Variants in BORCS8 observed in about 807,000 individuals in gnomAD.
BORCS8 encodes the protein BLOC-1-related complex subunit 8.
Under a neutral mutation model 18.7 loss-of-function variants are expected in BORCS8, and 13 were observed. The ratio of observed to expected loss-of-function variants is 0.70; its 90% confidence interval spans 0.45 to 1.11. BORCS8 has a LOEUF of 1.11. Ranked by LOEUF, BORCS8 falls within the 50% of genes least tolerant of loss-of-function variation. The pLI is 0.00. For synonymous variants in BORCS8, 68 were observed against 64.8 expected, an observed-to-expected ratio of 1.05 and a Z score of -0.24; for missense variants, 165 against 165.7, an observed-to-expected ratio of 1.00 and a Z score of 0.02.
chr19:19,178,304 AT>A (rs1266160759), intron 5 of BORCS8: 1 of 152,386 alleles, frequency 6.6e-6, no homozygotes, highest in Non-Finnish European at 1.5e-5. Flanking sequence ...TGCAGGAGGA[AT>A]GCTGGCCACA....
chr19:19,182,488 G>C lies in BORCS8; in HGVS notation c.326+85C>G. 6.7e-7 allele frequency: 1 copy of C among 1,488,672 alleles called. No individual in the cohort carries two copies. Among genetic ancestry groups the C allele is most frequent in the Non-Finnish European group, 8.9e-7 (1 of 1,119,792 alleles). 92.2% of individuals were successfully genotyped at this position (1,488,672 alleles called of 1,614,324 possible). On this transcript the variant is annotated intron_variant, in intron 4 of 5. Coordinates refer to ENST00000462790, the MANE Select transcript of BORCS8 (RefSeq NM_001145784.2). This position sits in a 1 kb window ranked among gnomAD's most constrained non-coding sequence, Gnocchi z 4.1. The stretch of plus-strand genomic sequence containing the variant: ...AAGGAAAGAGACAGTTTTCTAATAA[G>C]CGAGAAGCAGCGGTTCCCAGCGCAG...
chr19:19,182,590 G>T lies in BORCS8; in HGVS notation c.309C>A (p.Ala103=). 6.4e-7 allele frequency: 1 copy of T among 1,551,104 alleles called. No individual in the cohort carries two copies. Residue 103 remains alanine (A), a synonymous_variant, in exon 4 of 6, where the codon GCC becomes GCA. Coordinates refer to ENST00000462790, the MANE Select transcript of BORCS8 (RefSeq NM_001145784.2). This position sits in a 1 kb window ranked among gnomAD's most constrained non-coding sequence, Gnocchi z 4.1. The part of the protein sequence containing the change: ...QAISIRDHMN[A]SAQGHSPEEP... Reference sequence around the variant, plus strand: ...GGAGCTACCTGTGGCCCTGGGCACTGGCATTCATATGGTCCCGGATGCTGA... The same window carrying T: ...GGAGCTACCTGTGGCCCTGGGCACTTGCATTCATATGGTCCCGGATGCTGA...
chr19:19,182,075 C>T lies in BORCS8; in HGVS notation c.326+498G>A. On this transcript the variant is annotated intron_variant, in intron 4 of 5. Coordinates refer to ENST00000462790, the MANE Select transcript of BORCS8 (RefSeq NM_001145784.2). The surrounding 1 kb of genome is among the most constrained non-coding windows in gnomAD (Gnocchi z 4.1). ...CCCTGCCATCTCCCTGGCCCCATCT[C>T]CCCCAGCTGGCCGGCTCCAGCCACA... The T allele has an allele frequency of 4.1e-6, 4 of 983,332 alleles. No homozygotes were observed. Among genetic ancestry groups the T allele is most frequent in the Non-Finnish European group, 4.8e-6 (4 of 828,014 alleles). The allele number at this position is 983,332 out of a possible 1,614,324, so 60.9% of individuals were successfully genotyped here.
At chr19:19,177,688 GGAAGGAAGAGAAAAGAAAAGAAAAGA>G (rs2060308207) in intron 5 of BORCS8, 1 of 53,696 alleles carries the variant, frequency 1.9e-5, no homozygotes, top group Non-Finnish European at 3.5e-5. Context: ...AAGGAAGGAA[GGAAGGAAGAGAAAAGAAAAGAAAAGA>G]AAAGAAAAGA....
At chr19:19,186,477 T>A (rs767347227) in intron 2 of BORCS8, among the ~76,000 whole-genome samples, 1 of 152,238 alleles carries the variant, frequency 6.6e-6, no homozygotes, top group Admixed American at 6.5e-5. Context: ...AACTGAATCA[T>A]AGAGGTGGTT....
At chr19:19,192,028 C>A in intron 1 of BORCS8, 53 bp downstream of exon 1, 1 of 1,548,530 alleles carries the variant, frequency 6.5e-7, no homozygotes, top group Non-Finnish European at 8.7e-7. Flanking sequence ...TTTGTCAGGC[C>A]GCCCCTCCAC....
chr19:19,187,457 CAA>C (rs1453589667), intron 1 of BORCS8, among the ~76,000 whole-genome samples: 1 of 132,486 alleles, frequency 7.5e-6, no homozygotes, highest in African/African-American at 2.8e-5. Context: ...GCCTGGGCAA[CAA>C]GAGCAAAACT....
intron 1 of BORCS8, among the ~76,000 whole-genome samples, chr19:19,189,563 C>A (rs973472328): frequency 2.0e-5 from 3 of 152,152 alleles, no homozygotes; most frequent in Admixed American, 2.0e-4. Flanking sequence ...TTCCTTGGAC[C>A]TCCCAGCACT....
At chr19:19,189,580 A>G (rs1027672059) in intron 1 of BORCS8, among the ~76,000 whole-genome samples, 13 of 152,060 alleles carry the variant, frequency 8.5e-5, no homozygotes, top group African/African-American at 3.1e-4. Context: ...CACTGCCCAG[A>G]ACTTTCTCAC....
chr19:19,180,678 G>A lies in BORCS8; in HGVS notation c.*42+8C>T. On this transcript the variant is annotated splice_region_variant and intron_variant, in intron 5 of 5. Coordinates refer to ENST00000462790, the MANE Select transcript of BORCS8 (RefSeq NM_001145784.2). ...AGAGAGAGGCTCGTGGCTACCCTCGGCACTGACCTGGGTTGGCGGAGGCTG... is the reference window on the plus strand; with the variant it reads ...AGAGAGAGGCTCGTGGCTACCCTCGACACTGACCTGGGTTGGCGGAGGCTG... 6.5e-7 allele frequency: 1 copy of A among 1,530,070 alleles called. No individual in the cohort carries two copies. Among genetic ancestry groups the A allele is most frequent in the Non-Finnish European group, 8.9e-7 (1 of 1,129,170 alleles). The allele number at this position is 1,530,070 out of a possible 1,614,324, so 94.8% of individuals were successfully genotyped here.
At position 19,182,258 on chromosome 19, in the gene BORCS8, C is replaced by G; in HGVS notation, c.326+315G>C. 1 of 494,714 alleles carries G rather than the reference C, an allele frequency of 2.0e-6. No homozygotes were observed. Among genetic ancestry groups the G allele is most frequent in the South Asian group, 4.5e-5 (1 of 22,042 alleles). The allele number at this position is 494,714 out of a possible 1,614,324, so 30.6% of individuals were successfully genotyped here. A position where few individuals can be genotyped will look rare whatever the true frequency, so the allele number is the denominator to read the frequency against. ...AGGAGGGGCCCCGCAGTGTTCTTCA[C>G]AGCGCATCTGACATGCTCTTGTCTG... On this transcript the variant is annotated intron_variant, in intron 4 of 5. Coordinates refer to ENST00000462790, the MANE Select transcript of BORCS8 (RefSeq NM_001145784.2). This position sits in a 1 kb window ranked among gnomAD's most constrained non-coding sequence, Gnocchi z 4.1.
At chr19:19,177,682 AAGG>A (rs1382229371) in intron 5 of BORCS8, 1 of 71,496 alleles carries the variant, frequency 1.4e-5, no homozygotes, top group Non-Finnish European at 2.9e-5. Flanking sequence ...GGAAGGAAGG[AAGG>A]AAGGAAGGAA....
Position 19,182,122 on chromosome 19 carries a change from G to A in BORCS8, c.326+451C>T, listed in dbSNP as rs1239287521. 45 of 851,912 alleles carry A rather than the reference G, an allele frequency of 5.3e-5. No homozygotes were observed. Among genetic ancestry groups the A allele is most frequent in the Non-Finnish European group, 6.2e-5 (44 of 708,218 alleles). The allele number at this position is 851,912 out of a possible 1,614,324, so 52.8% of individuals were successfully genotyped here. On this transcript the variant is annotated intron_variant, in intron 4 of 5. Coordinates refer to ENST00000462790, the MANE Select transcript of BORCS8 (RefSeq NM_001145784.2). This position sits in a 1 kb window ranked among gnomAD's most constrained non-coding sequence, Gnocchi z 4.1. ...CACAGAAGCCTTCTCGGTGCTTCTC[G>A]AACACTCCCAGGGATCCCAGCCCCA...
At chr19:19,189,678 C>T (rs572782197) in intron 1 of BORCS8, among the ~76,000 whole-genome samples, 17 of 152,194 alleles carry the variant, frequency 1.1e-4, no homozygotes, top group Admixed American at 6.5e-4. Context: ...GTAATCCCAG[C>T]ACTTTGGCAG....
chr19:19,178,229 G>C (rs2060318999), intron 5 of BORCS8: 1 of 152,390 alleles, frequency 6.6e-6, no homozygotes, highest in Admixed American at 6.5e-5. Flanking sequence ...GAGAGTCCAG[G>C]AGCAGCAAAG....
At chr19:19,188,678 G>GC (rs112890336) in intron 1 of BORCS8, among the ~76,000 whole-genome samples, 1 of 115,704 alleles carries the variant, frequency 8.6e-6, no homozygotes, top group African/African-American at 3.7e-5. Flanking sequence ...GCTGGGCACT[G>GC]AACAACCCAG....
At chr19:19,191,641 C>A (rs543187927) in intron 1 of BORCS8, among the ~76,000 whole-genome samples, 1 of 152,148 alleles carries the variant, frequency 6.6e-6, no homozygotes, top group South Asian at 2.1e-4. Context: ...GTGGCACGAC[C>A]GTAGCCCACT....
At position 19,191,085 on chromosome 19, in the gene BORCS8, G is replaced by A. The variant is rs566983902; in HGVS notation, c.37+996C>T. Among the ~76,000 whole-genome samples the A allele has an allele frequency of 1.1e-3, 166 of 152,234 alleles. 1 individual carries two copies. Among genetic ancestry groups the A allele is most frequent in the African/African-American group, 3.9e-3 (160 of 41,556 alleles). On this transcript the variant is annotated intron_variant, in intron 1 of 5. Transcript: ENST00000462790. ...TATAGGGGATTAGCTGGGTGCAGTG[G>A]TTCACACCTGTAATCCCAGCACTTT...
At chr19:19,190,510 C>T (rs1200453615) in intron 1 of BORCS8, among the ~76,000 whole-genome samples, 1 of 152,200 alleles carries the variant, frequency 6.6e-6, no homozygotes, top group Non-Finnish European at 1.5e-5. Context: ...GCATAACGGC[C>T]AGGGGCGGTG....
Sources: gnomAD v4.1 joint callset for allele counts (sites outside exome capture counted in the v4.1 genomes callset) on GRCh38, gnomAD v4.1.1 for gene constraint, Gnocchi (gnomAD v3.1) non-coding constraint, MANE v1.5 for transcripts, NCBI Gene and HGNC (gene_info 2026-07-23, HGNC 2026-07-21) for gene names.